The following RBM44 variants were observed in gnomAD, a reference collection of about 807,000 sequenced individuals.
RBM44 encodes RNA binding motif protein 44.
Under a neutral mutation model 105.1 loss-of-function variants are expected in RBM44, and 66 were observed. That is an observed-to-expected ratio of 0.63 (90% CI 0.52 to 0.77). The LOEUF is 0.77. Ranked by LOEUF, RBM44 falls within the 30% of genes least tolerant of loss-of-function variation. RBM44 has a pLI of 0.00. For missense variants in RBM44, 1,122 were observed against 1,207.8 expected, an observed-to-expected ratio of 0.93 and a Z score of 1.05; for synonymous variants, 365 against 417.6, an observed-to-expected ratio of 0.87 and a Z score of 1.54.
chr2:237,829,745 G>A (rs919973), intron 13 of RBM44, among the ~76,000 whole-genome samples: 30,697 of 152,080 alleles, frequency 0.2, 3,643 homozygotes, highest in East Asian at 0.41. Context: ...CTCTTTGCCA[G>A]TCTTTCGCCG....
rs769796358 is a variant in RBM44, at chr2:237,813,693, A to T, written c.73+11A>T. Reference sequence around the variant, plus strand: ...GCAACCTCCAAAAAGGTAAGGGTCTAGTCCACTTACCCTTATTCTTGGTGG... The same window carrying T: ...GCAACCTCCAAAAAGGTAAGGGTCTTGTCCACTTACCCTTATTCTTGGTGG... On this transcript the variant is annotated intron_variant, in intron 2 of 15. Coordinates refer to ENST00000316997, the MANE Select transcript of RBM44 (RefSeq NM_001080504.3). The T allele has an allele frequency of 1.3e-5, 20 of 1,551,538 alleles. No homozygotes were observed. Among genetic ancestry groups the T allele is most frequent in the Non-Finnish European group, 1.7e-5 (19 of 1,123,234 alleles).
chr2:237,800,283 A>G (rs761047794), intron 1 of RBM44, among the ~76,000 whole-genome samples: 2 of 152,168 alleles, frequency 1.3e-5, no homozygotes, highest in Non-Finnish European at 2.9e-5. Context: ...CTCTTTGTCA[A>G]GTCATTTGCT....
intron 12 of RBM44, among the ~76,000 whole-genome samples, chr2:237,828,096 A>G (rs1407465037): frequency 2.0e-5 from 3 of 152,170 alleles, no homozygotes; most frequent in African/African-American, 7.2e-5. Context: ...TTTTAGGTAG[A>G]CAGCTACCTC....
At position 237,817,318 on chromosome 2, in the gene RBM44, A is replaced by T; in HGVS notation, c.399A>T (p.Leu133Phe). Residue 133 changes from leucine (L) to phenylalanine (F), a missense_variant, in exon 3 of 16, where the codon TTA (leucine) becomes TTT (phenylalanine). Transcript: ENST00000316997. ...KESLTPLSSE[L>F]DPEVQKKEEV... ...GTCTTACTCCTTTAAGTTCAGAATTAGATCCTGAAGTGCAGAAAAAAGAGG... is the reference window on the plus strand; with the variant it reads ...GTCTTACTCCTTTAAGTTCAGAATTTGATCCTGAAGTGCAGAAAAAAGAGG... The T allele has an allele frequency of 6.2e-7, 1 of 1,604,242 alleles. No homozygotes were observed. The highest frequency in any genetic ancestry group is 8.5e-7 in the Non-Finnish European group (1 of 1,174,242).
chr2:237,834,430 T>A lies in RBM44; in HGVS notation c.*22+7T>A, dbSNP rs2061936234. The A allele has an allele frequency of 7.2e-7, 1 of 1,391,520 alleles. No homozygotes were observed. The highest frequency in any genetic ancestry group is 2.7e-5 in the East Asian group (1 of 37,430). The allele number at this position is 1,391,520 out of a possible 1,614,324, so 86.2% of individuals were successfully genotyped here. A position where few individuals can be genotyped will look rare whatever the true frequency, so the allele number is the denominator to read the frequency against. On this transcript the variant is annotated splice_region_variant and intron_variant, in intron 15 of 15. Coordinates refer to ENST00000316997, the MANE Select transcript of RBM44 (RefSeq NM_001080504.3). ...TTCAAAAAACAATAAAGAGGTAAAGTAATCATATTCTTTTGTATTTGAATA... is the reference window on the plus strand; with the variant it reads ...TTCAAAAAACAATAAAGAGGTAAAGAAATCATATTCTTTTGTATTTGAATA...
At chr2:237,799,276 A>G (rs936004497) in intron 1 of RBM44, 1 of 152,332 alleles carries the variant, frequency 6.6e-6, no homozygotes, top group African/African-American at 2.4e-5. Flanking sequence ...TTCGTTCCGT[A>G]CTCAGGCGTG....
At position 237,842,562 on chromosome 2, in the gene RBM44, A is replaced by C. The variant is rs1375180042; in HGVS notation, c.*746A>C. 3 of 152,070 alleles carry C rather than the reference A, an allele frequency of 2.0e-5. No homozygotes were observed. The highest frequency in any genetic ancestry group is 1.5e-5 in the Non-Finnish European group (1 of 67,946). 9.4% of individuals were successfully genotyped at this position (152,070 alleles called of 1,614,324 possible). A position where few individuals can be genotyped will look rare whatever the true frequency, so the allele number is the denominator to read the frequency against. The stretch of plus-strand genomic sequence containing the variant: ...TTGTTAGAACAATTTTCAAAGGCTG[A>C]TTTTATGCCTTATCTGATAGAAATA... On this transcript the variant is annotated 3_prime_UTR_variant, in exon 16 of 16. Coordinates refer to ENST00000316997, the MANE Select transcript of RBM44 (RefSeq NM_001080504.3).
intron 12 of RBM44, 55 bp from the exon 13 acceptor site, chr2:237,829,162 T>C (rs2061878391): frequency 4.4e-6 from 6 of 1,372,458 alleles, no homozygotes; most frequent in Admixed American, 5.0e-5. Context: ...AAAATTAAGT[T>C]TGATGTAATT....
intron 2 of RBM44, 140 bp from the exon 3 acceptor site, chr2:237,816,853 A>G (rs559726813): frequency 8.9e-6 from 5 of 564,460 alleles, no homozygotes; most frequent in Admixed American, 3.4e-5. Context: ...TTTAGCTGCT[A>G]CTGAAAGGGA....
intron 1 of RBM44, among the ~76,000 whole-genome samples, chr2:237,806,812 T>C (rs1300403103): frequency 6.6e-6 from 1 of 152,162 alleles, no homozygotes; most frequent in Non-Finnish European, 1.5e-5. Flanking sequence ...ATATTTCTTC[T>C]ACCCAGAGCA....
intron 2 of RBM44, 129 bp downstream of exon 2, chr2:237,813,811 A>G: frequency 1.6e-6 from 1 of 613,120 alleles, no homozygotes; most frequent in African/African-American, 1.9e-5. Flanking sequence ...GACTCAGTAT[A>G]TTTTTAACTT....
At chr2:237,810,292 T>C (rs2061643793) in intron 1 of RBM44, among the ~76,000 whole-genome samples, 1 of 152,226 alleles carries the variant, frequency 6.6e-6, no homozygotes, top group African/African-American at 2.4e-5. Context: ...CATTTGAATG[T>C]CAAATAGATA....
chr2:237,831,061 T>C (rs1463893164), intron 13 of RBM44, among the ~76,000 whole-genome samples: 2 of 152,044 alleles, frequency 1.3e-5, no homozygotes, highest in Non-Finnish European at 2.9e-5. Context: ...CTGTGTCCTT[T>C]ATCCAGTCCT....
intron 1 of RBM44, among the ~76,000 whole-genome samples, chr2:237,805,608 G>A (rs559981698): frequency 1.3e-5 from 2 of 152,262 alleles, no homozygotes; most frequent in South Asian, 4.1e-4. Flanking sequence ...CAGAAGATTG[G>A]AGATAGACCT....
chr2:237,828,219 ACT>A (rs929014565), intron 12 of RBM44, among the ~76,000 whole-genome samples: 2 of 152,138 alleles, frequency 1.3e-5, no homozygotes, highest in African/African-American at 2.4e-5. Context: ...AAATTTTTTT[ACT>A]GTTTCATTAT....
At chr2:237,828,756 C>T (rs2061874416) in intron 12 of RBM44, among the ~76,000 whole-genome samples, 1 of 152,008 alleles carries the variant, frequency 6.6e-6, no homozygotes, top group African/African-American at 2.4e-5. Flanking sequence ...TGTATATTTC[C>T]CCACTACAAG....
rs1244990538 is a variant in RBM44 at position 237,829,216 on chromosome 2, G to C, written c.2601-1G>C. On this transcript the variant is annotated splice_acceptor_variant, in intron 12 of 15. Coordinates refer to ENST00000316997, the MANE Select transcript of RBM44 (RefSeq NM_001080504.3). LOFTEE classifies it high-confidence loss of function. ...TTTGGTTTTCTGCTCTTATGTTTTAGATATGCATCTCTTGCTTTTACAAAA... is the reference window on the plus strand; with the variant it reads ...TTTGGTTTTCTGCTCTTATGTTTTACATATGCATCTCTTGCTTTTACAAAA... 1 of 1,602,058 alleles carries C rather than the reference G, an allele frequency of 6.2e-7. No homozygotes were observed. Among genetic ancestry groups the C allele is most frequent in the Admixed American group, 1.7e-5 (1 of 58,394 alleles).
At chr2:237,816,916 C>A in intron 2 of RBM44, 77 bp from the exon 3 acceptor site, 1 of 886,036 alleles carries the variant, frequency 1.1e-6, no homozygotes, top group Non-Finnish European at 1.7e-6. Context: ...GAGCTTAAAC[C>A]AGATCATGTC....
At chr2:237,833,612 CATTT>C (rs2061924024) in intron 13 of RBM44, among the ~76,000 whole-genome samples, 1 of 152,118 alleles carries the variant, frequency 6.6e-6, no homozygotes. Context: ...AAGCCTAAAA[CATTT>C]ATTTAATGAA....
Sources: allele counts gnomAD v4.1 joint callset (sites outside exome capture counted in the v4.1 genomes callset), GRCh38; gene constraint gnomAD v4.1.1; transcripts MANE v1.5; gene names NCBI Gene and HGNC (gene_info 2026-07-23, HGNC 2026-07-21).